PIGU: variants seen among roughly 807,000 people sequenced by gnomAD.
PIGU encodes the protein phosphatidylinositol glycan anchor biosynthesis class U.
A neutral mutation model predicts 49.9 loss-of-function variants in PIGU; 24 were observed. That is an observed-to-expected ratio of 0.48 (90% CI 0.35 to 0.68). The LOEUF (loss-of-function observed/expected upper bound fraction) is 0.68, where lower values mean the gene tolerates loss of function less well. Ranked by LOEUF, PIGU falls within the 30% of genes least tolerant of loss-of-function variation. The pLI is 0.01. For missense variants in PIGU, 490 were observed against 532.6 expected, an observed-to-expected ratio of 0.92 and a Z score of 0.79; for synonymous variants, 220 against 205.7, an observed-to-expected ratio of 1.07 and a Z score of -0.59.
At chr20:34,640,163 G>A (rs1986105465) in intron 4 of PIGU, among the ~76,000 whole-genome samples, 1 of 152,198 alleles carries the variant, frequency 6.6e-6, no homozygotes, top group Non-Finnish European at 1.5e-5. Flanking sequence ...AACTACCCGG[G>A]ATGTGTACAT....
chr20:34,560,916 G>A lies in PIGU; in HGVS notation c.1258C>T (p.Leu420Phe). Residue 420 changes from leucine (L) to phenylalanine (F), a missense_variant, in exon 12 of 12, where the codon CTC becomes TTC. By Grantham distance (22) the Leu-to-Phe change is conservative. Coordinates refer to ENST00000217446, the MANE Select transcript of PIGU (RefSeq NM_080476.5). ...GTGCCATCCTTGGCGGTCAAGTAGAGGCCATGTGTGAGGTAGTACTCCCGC... is the reference window on the plus strand; with the variant it reads ...GTGCCATCCTTGGCGGTCAAGTAGAAGCCATGTGTGAGGTAGTACTCCCGC... Reference protein sequence around the residue: ...LRREYYLTHGLYLTAKDGTEA... With the variant: ...LRREYYLTHGFYLTAKDGTEA... 6.2e-7 allele frequency: 1 copy of A among 1,613,166 alleles called. No homozygotes were observed. Among genetic ancestry groups the A allele is most frequent in the Non-Finnish European group, 8.5e-7 (1 of 1,179,424 alleles).
chr20:34,612,729 G>A (rs1375142765), intron 7 of PIGU, among the ~76,000 whole-genome samples: 1 of 150,476 alleles, frequency 6.6e-6, no homozygotes, highest in African/African-American at 2.4e-5. Flanking sequence ...TTCAAGCAAT[G>A]TTCCTGCCTC....
intron 7 of PIGU, among the ~76,000 whole-genome samples, chr20:34,598,310 GAGA>G (rs1052853214): frequency 3.3e-5 from 5 of 152,214 alleles, no homozygotes; most frequent in African/African-American, 1.2e-4. Flanking sequence ...TGGAGGAACA[GAGA>G]AGGTCTGTGT....
At chr20:34,608,531 TTTG>T (rs1163994677) in intron 7 of PIGU, among the ~76,000 whole-genome samples, 2 of 152,216 alleles carry the variant, frequency 1.3e-5, no homozygotes, top group African/African-American at 2.4e-5. Flanking sequence ...TTTGCTTTTT[TTTG>T]TTGTTGTAAC....
intron 1 of PIGU, among the ~76,000 whole-genome samples, chr20:34,659,037 C>G (rs1464109652): frequency 6.9e-6 from 1 of 144,726 alleles, no homozygotes; most frequent in Admixed American, 6.9e-5. Flanking sequence ...AAGTGAGGAG[C>G]CCCTCTGCCC....
At chr20:34,613,410 CCACTA>C (rs1984893600) in intron 7 of PIGU, among the ~76,000 whole-genome samples, 1 of 152,120 alleles carries the variant, frequency 6.6e-6, no homozygotes, top group South Asian at 2.1e-4. Context: ...GTTGTACTGT[CCACTA>C]GTGTCAGGAG....
intron 6 of PIGU, among the ~76,000 whole-genome samples, chr20:34,618,306 C>T (rs1217948000): frequency 6.6e-6 from 1 of 152,146 alleles, no homozygotes; most frequent in African/African-American, 2.4e-5. Context: ...CTTAAGACAA[C>T]AGGATACTCT....
chr20:34,565,708 G>GACACACACAC (rs138862528), intron 11 of PIGU, among the ~76,000 whole-genome samples: 21 of 147,002 alleles, frequency 1.4e-4, no homozygotes, highest in African/African-American at 3.5e-4. Flanking sequence ...CACCTCTCTG[G>GACACACACAC]ACACACACAC....
intron 10 of PIGU, 30 bp downstream of exon 10, chr20:34,581,518 C>T (rs776898564): frequency 5.0e-6 from 8 of 1,612,266 alleles, no homozygotes; most frequent in Non-Finnish European, 5.9e-6. Context: ...CAGGCTGACA[C>T]AAATCTGTGG....
chr20:34,612,838 G>T (rs1195286907), intron 7 of PIGU, among the ~76,000 whole-genome samples: 1 of 151,872 alleles, frequency 6.6e-6, no homozygotes, highest in Non-Finnish European at 1.5e-5. Context: ...GGCCAGGCTG[G>T]TCTCAAACTC....
In PIGU at chr20:34,588,504, G is replaced by A. The variant is rs1230190050; in HGVS notation, c.731C>T (p.Ser244Phe). The change falls in exon 8 of 12, where the codon TCC becomes TTC. Residue 244 changes from serine to phenylalanine, a missense_variant. By Grantham distance (155) the Ser-to-Phe change is radical. Coordinates refer to ENST00000217446, the MANE Select transcript of PIGU (RefSeq NM_080476.5). ...VGSLVVIICL[S>F]FFLLSSWDFI... ...ATCCCAAGAGCTGAGAAGGAAGAAG[G>A]AGAGGCAAATGATTACCACTAGGCT... The A allele has an allele frequency of 6.2e-7, 1 of 1,614,012 alleles. No homozygotes were observed. Among genetic ancestry groups the A allele is most frequent in the Non-Finnish European group, 8.5e-7 (1 of 1,179,868 alleles).
chr20:34,564,630 A>G (rs998805792), intron 11 of PIGU, among the ~76,000 whole-genome samples: 1 of 152,272 alleles, frequency 6.6e-6, no homozygotes, highest in Non-Finnish European at 1.5e-5. Flanking sequence ...TAAATTTTAC[A>G]TAAGAAAATG....
chr20:34,585,641 C>A, intron 8 of PIGU, 61 bp from the exon 9 acceptor site: 3 of 1,569,306 alleles, frequency 1.9e-6, no homozygotes, highest in Non-Finnish European at 1.7e-6. Context: ...TCTGCTTTGA[C>A]CTTGATTTCT....
intron 11 of PIGU, 126 bp from the exon 12 acceptor site, chr20:34,561,105 G>A: frequency 3.0e-6 from 2 of 659,174 alleles, no homozygotes; most frequent in Admixed American, 5.7e-5. Context: ...CACAATCACT[G>A]GAGAGGCCCT....
intron 2 of PIGU, among the ~76,000 whole-genome samples, chr20:34,651,934 C>G (rs182345375): frequency 1.3e-5 from 2 of 151,978 alleles, no homozygotes; most frequent in Non-Finnish European, 2.9e-5. Context: ...TGAGACCCCC[C>G]CCATCTCTAC....
At chr20:34,576,548 A>G (rs1330144639) in intron 10 of PIGU, among the ~76,000 whole-genome samples, 1 of 152,124 alleles carries the variant, frequency 6.6e-6, no homozygotes, top group Non-Finnish European at 1.5e-5. Flanking sequence ...AAATCCAGCA[A>G]TGGTGGATTG....
At chr20:34,660,272 A>G (rs897674602) in intron 1 of PIGU, among the ~76,000 whole-genome samples, 23 of 152,092 alleles carry the variant, frequency 1.5e-4, no homozygotes, top group African/African-American at 5.6e-4. Context: ...AATATGAGAA[A>G]CAGAATATTT....
chr20:34,664,896 C>T (rs1320832163), intron 1 of PIGU, among the ~76,000 whole-genome samples: 3 of 152,108 alleles, frequency 2.0e-5, no homozygotes, highest in South Asian at 2.1e-4. Context: ...GGGAGGATTA[C>T]CTGAGCCCAA....
intron 1 of PIGU, among the ~76,000 whole-genome samples, chr20:34,659,062 TC>T (rs1438690240): frequency 3.2e-4 from 43 of 133,676 alleles, no homozygotes; most frequent in Middle Eastern, 4.5e-3. Flanking sequence ...AGCTGCCCCG[TC>T]CGGGAGGGAG....
Sources: gnomAD v4.1 joint callset for allele counts (sites outside exome capture counted in the v4.1 genomes callset) on GRCh38, gnomAD v4.1.1 for gene constraint, MANE v1.5 for transcripts, NCBI Gene and HGNC (gene_info 2026-07-23, HGNC 2026-07-21) for gene names.